MDN1: variants seen among roughly 807,000 people sequenced by gnomAD.
The protein encoded by MDN1 is midasin AAA ATPase 1, also known as midasin.
A neutral mutation model predicts 669.2 loss-of-function variants in MDN1; 266 were observed. That is an observed-to-expected ratio of 0.40 (90% CI 0.36 to 0.44). The LOEUF is 0.44. Among genes scored for constraint, MDN1 ranks in the 20% least tolerant of loss-of-function variants. The pLI, the probability that MDN1 is intolerant of heterozygous loss-of-function variation, is 1.00. For missense variants in MDN1, 5,940 were observed against 6,754.0 expected, an observed-to-expected ratio of 0.88 and a Z score of 4.22; for synonymous variants, 2,385 against 2,457.1, an observed-to-expected ratio of 0.97 and a Z score of 0.87.
chr6:89,761,735 T>G lies in MDN1; in HGVS notation c.2370A>C (p.Lys790Asn). 6.2e-7 allele frequency: 1 copy of G among 1,606,762 alleles called. No individual in the cohort carries two copies. Among genetic ancestry groups the G allele is most frequent in the Non-Finnish European group, 8.5e-7 (1 of 1,175,202 alleles). Residue 790 changes from lysine to asparagine, a missense_variant, in exon 17 of 102, where the codon AAA (lysine) becomes AAC (asparagine). Coordinates refer to ENST00000369393, the MANE Select transcript of MDN1 (RefSeq NM_014611.3). The stretch of plus-strand genomic sequence containing the variant: ...TAAGACCAAATGCTTCCCATTTCTC[T>G]TTTATGAGTAACCCTAAAAAAGAAA... The part of the protein sequence containing the change: ...GKDSETGLLI[K>N]EKWEAFGLRL...
intron 2 of MDN1, among the ~76,000 whole-genome samples, chr6:89,795,896 A>C (rs934302015): frequency 1.3e-5 from 2 of 152,168 alleles, no homozygotes; most frequent in South Asian, 4.1e-4. Context: ...CGGAGGTTGC[A>C]GTGAGCCGAG....
At chr6:89,652,122 T>C (rs1808916653) in intron 95 of MDN1, 70 bp downstream of exon 95, 1 of 1,238,066 alleles carries the variant, frequency 8.1e-7, no homozygotes, top group Admixed American at 2.0e-5. Context: ...CCTATTAAGT[T>C]TGCTATATGT....
Position 89,683,851 on chromosome 6 carries a change from T to C in MDN1, c.11883A>G (p.Gln3961=). ...ATTACCTGTGTGTCTTTTCTACAGA[T>C]TGCTTAATGGACCAGAAGCTGACAT... ...WNDVSFWSIK[Q]SVEKTHRTLF... Residue 3961 remains glutamine, a synonymous_variant, in exon 72 of 102, where the codon CAA becomes CAG. Coordinates refer to ENST00000369393, the MANE Select transcript of MDN1 (RefSeq NM_014611.3). 8.7e-6 allele frequency: 14 copies of C among 1,613,562 alleles called. No homozygotes were observed. Among genetic ancestry groups the C allele is most frequent in the African/African-American group, 1.3e-5 (1 of 75,058 alleles).
intron 2 of MDN1, among the ~76,000 whole-genome samples, chr6:89,796,658 AG>A (rs1173985658): frequency 1.3e-5 from 2 of 152,326 alleles, no homozygotes; most frequent in East Asian, 3.9e-4. Context: ...GTGTGGGTAC[AG>A]TGTGTATATG....
chr6:89,680,544 G>T, intron 74 of MDN1, 45 bp downstream of exon 74: 1 of 1,598,804 alleles, frequency 6.3e-7, no homozygotes, highest in South Asian at 1.1e-5. Flanking sequence ...TGCGCCACTG[G>T]GGAAAACAGA....
At chr6:89,697,074 C>T (rs1812806628) in intron 59 of MDN1, among the ~76,000 whole-genome samples, 2 of 152,138 alleles carry the variant, frequency 1.3e-5, no homozygotes, top group South Asian at 2.1e-4. Context: ...CAAAGTTTAT[C>T]ACTAAAGGCT....
intron 33 of MDN1, among the ~76,000 whole-genome samples, chr6:89,734,691 A>ACGAGAGAGAGAGAGAGAGAGAGAG (rs370691129): frequency 1.8e-5 from 2 of 112,988 alleles, no homozygotes; most frequent in East Asian, 6.8e-4. Context: ...AAAAAAAAAC[A>ACGAGAGAGAGAGAGAGAGAGAGAG]AGAGAGAGAG....
chr6:89,702,938 C>CTTTTTTT lies in MDN1; in HGVS notation c.8149-884_8149-878dup, dbSNP rs35611812. 2.8e-5 allele frequency among the ~76,000 whole-genome samples: 4 copies of CTTTTTTT among 140,370 alleles called. No homozygotes were observed. In the East Asian group the frequency reaches 8.4e-4, roughly 29 times the overall value. The allele number at this position is 140,370 out of a possible 152,430, so 92.1% of individuals were successfully genotyped here. A position where few individuals can be genotyped will look rare whatever the true frequency, so the allele number is the denominator to read the frequency against. The stretch of plus-strand genomic sequence containing the variant: ...ATAATGTGAGGTAGGGGTAAAGGCC[C>CTTTTTTT]TTTTTTTTTTTTTTTGAGACAGCGT... On this transcript the variant is annotated intron_variant, in intron 53 of 101. Transcript: ENST00000369393.
chr6:89,664,373 G>A lies in MDN1; in HGVS notation c.14236+114C>T, dbSNP rs991509286. Reference sequence around the variant, plus strand: ...AGGTTTTCATTTGCACTTAAGCACAGTAACCAACTTGTTTCAAAAGATTAT... The same window carrying A: ...AGGTTTTCATTTGCACTTAAGCACAATAACCAACTTGTTTCAAAAGATTAT... On this transcript the variant is annotated intron_variant, in intron 85 of 101. Transcript: ENST00000369393. The A allele has an allele frequency of 5.2e-6, 7 of 1,358,556 alleles. No individual in the cohort carries two copies. In the African/African-American group the frequency reaches 1.0e-4, roughly 20 times the overall value. 84.2% of individuals were successfully genotyped at this position (1,358,556 alleles called of 1,614,324 possible). A position where few individuals can be genotyped will look rare whatever the true frequency, so the allele number is the denominator to read the frequency against.
chr6:89,719,224 A>G lies in MDN1; in HGVS notation c.5969T>C (p.Val1990Ala). ...RMRTEEDKKK[V>A]IAVFKDVFGS... The stretch of plus-strand genomic sequence containing the variant: ...AAACACATCCTTGAATACAGCAATG[A>G]CCTAAAGGAAGAAGATAATGCAATG... Residue 1990 changes from valine to alanine, a missense_variant and splice_region_variant, in exon 41 of 102, where the codon GTC becomes GCC. By Grantham distance (64) the Val-to-Ala change is moderately conservative. Transcript: ENST00000369393. 1 of 1,611,626 alleles carries G rather than the reference A, an allele frequency of 6.2e-7. No homozygotes were observed. Among genetic ancestry groups the G allele is most frequent in the Non-Finnish European group, 8.5e-7 (1 of 1,177,764 alleles).
intron 62 of MDN1, 107 bp downstream of exon 62, chr6:89,693,967 A>G (rs534740170): frequency 2.4e-6 from 2 of 846,250 alleles, no homozygotes; most frequent in East Asian, 2.5e-5. Context: ...TCTAATTGCT[A>G]ATGTAGTTTA....
chr6:89,657,798 GTAAGATAA>G (rs1419502258), intron 90 of MDN1, among the ~76,000 whole-genome samples: 1 of 152,230 alleles, frequency 6.6e-6, no homozygotes, highest in African/African-American at 2.4e-5. Flanking sequence ...TGGTGGTCCT[GTAAGATAA>G]TAACACGTTT....
Position 89,742,414 on chromosome 6 carries a change from T to C in MDN1, c.4448+736A>G, listed in dbSNP as rs1251372330. ...AAGAGCAAGACTGTGTCTAAAAAAATAAACAAACAAACCCCTATCTTCCAA... is the reference window on the plus strand; with the variant it reads ...AAGAGCAAGACTGTGTCTAAAAAAACAAACAAACAAACCCCTATCTTCCAA... On this transcript the variant is annotated intron_variant, in intron 31 of 101. Coordinates refer to ENST00000369393, the MANE Select transcript of MDN1 (RefSeq NM_014611.3). Among the ~76,000 whole-genome samples the C allele has an allele frequency of 5.1e-5, 7 of 136,008 alleles. No individual in the cohort carries two copies. The East Asian group carries it at 1.6e-3, about 31-fold the overall frequency. 89.2% of individuals were successfully genotyped at this position (136,008 alleles called of 152,430 possible). A position where few individuals can be genotyped will look rare whatever the true frequency, so the allele number is the denominator to read the frequency against.
chr6:89,682,914 T>C (rs1811741939), intron 73 of MDN1, among the ~76,000 whole-genome samples: 1 of 149,064 alleles, frequency 6.7e-6, no homozygotes, highest in African/African-American at 2.5e-5. Context: ...GCCTGGGCAA[T>C]AGCACGAGAA....
chr6:89,819,476 C>T (rs1422833158), intron 1 of MDN1, 30 bp downstream of exon 1: 1 of 1,591,154 alleles, frequency 6.3e-7, no homozygotes, highest in African/African-American at 1.3e-5. Context: ...CCAGTCGTTC[C>T]GGCGCTTTCC....
intron 50 of MDN1, 23 bp from the exon 51 acceptor site, chr6:89,708,651 C>T (rs1395477888): frequency 1.9e-6 from 3 of 1,603,832 alleles, no homozygotes; most frequent in Non-Finnish European, 2.6e-6. Context: ...CAGAACAAAA[C>T]AAAAATCAGA....
chr6:89,806,053 T>A (rs1001580842), intron 1 of MDN1, among the ~76,000 whole-genome samples: 2 of 152,224 alleles, frequency 1.3e-5, no homozygotes, highest in East Asian at 3.9e-4. Context: ...TCCTCCCAAC[T>A]GAGTCCCCTA....
chr6:89,724,521 G>C (rs1815074797), intron 38 of MDN1, among the ~76,000 whole-genome samples: 1 of 152,202 alleles, frequency 6.6e-6, no homozygotes, highest in African/African-American at 2.4e-5. Context: ...GACCTCAGGT[G>C]ATTCACCTGC....
chr6:89,801,281 TG>T (rs1223461252), intron 2 of MDN1, among the ~76,000 whole-genome samples: 2 of 152,020 alleles, frequency 1.3e-5, no homozygotes, highest in Admixed American at 6.5e-5. Context: ...CCCAGCACTT[TG>T]GGAGGCCGAG....
Sources: gnomAD v4.1 joint callset for allele counts (sites outside exome capture counted in the v4.1 genomes callset) on GRCh38, gnomAD v4.1.1 for gene constraint, MANE v1.5 for transcripts, NCBI Gene and HGNC (gene_info 2026-07-23, HGNC 2026-07-21) for gene names.